The following USP34 variants were observed in gnomAD, a reference collection of about 807,000 sequenced individuals.
USP34 encodes the protein ubiquitin carboxyl-terminal hydrolase 34.
Under a neutral mutation model 460.3 loss-of-function variants are expected in USP34, and 70 were observed. The ratio of observed to expected loss-of-function variants is 0.15; its 90% confidence interval spans 0.13 to 0.19. USP34 has a LOEUF of 0.19. Among genes scored for constraint, USP34 ranks in the 10% least tolerant of loss-of-function variants. The probability of loss-of-function intolerance (pLI) is 1.00; values close to 1 mark genes in which losing one functional copy is unlikely to be tolerated. For synonymous variants in USP34, 1,647 were observed against 1,405.3 expected (o/e 1.17, Z -3.85); for missense variants, 3,985 against 4,236.2 (o/e 0.94, Z 1.65).
Position 61,420,790 on chromosome 2 carries a change from T to C in USP34, c.87A>G (p.Glu29=), listed in dbSNP as rs758104416. The C allele has an allele frequency of 1.6e-5, 25 of 1,611,622 alleles. 1 individual carries two copies. In the Middle Eastern group the frequency reaches 6.6e-4, roughly 43 times the overall value. The part of the protein sequence containing the change: ...EGGDGLQLRK[E]HTLKIFTYIN... ...TATAAGTAAATATTTTGAGAGTATG[T>C]TCCTTTCTGAGCTGCAGTCCATCAC... Residue 29 remains glutamate, a synonymous_variant, in exon 2 of 80, where the codon GAA becomes GAG. Coordinates refer to ENST00000398571, the MANE Select transcript of USP34 (RefSeq NM_014709.4).
intron 25 of USP34, among the ~76,000 whole-genome samples, chr2:61,312,861 G>C (rs1690636939): frequency 6.6e-6 from 1 of 152,132 alleles, no homozygotes; most frequent in Non-Finnish European, 1.5e-5. Context: ...TATGTCTTGG[G>C]AAACAAAAAC....
chr2:61,429,590 T>G (rs1348615106), intron 1 of USP34, among the ~76,000 whole-genome samples: 1 of 151,908 alleles, frequency 6.6e-6, no homozygotes, highest in African/African-American at 2.4e-5. Context: ...TGGCACCACA[T>G]GACAGGTAAC....
chr2:61,378,913 G>GAAAAAAAAAAAAAAAAAA (rs34463913), intron 7 of USP34, among the ~76,000 whole-genome samples: 2 of 57,870 alleles, frequency 3.5e-5, no homozygotes. Flanking sequence ...TCAAAAAAAC[G>GAAAAAAAAAAAAAAAAAA]AAAAAAAAAA....
At chr2:61,319,707 T>C (rs1025153280) in intron 21 of USP34, among the ~76,000 whole-genome samples, 1 of 152,070 alleles carries the variant, frequency 6.6e-6, no homozygotes, top group Admixed American at 6.6e-5. Context: ...TAGCTGGGCA[T>C]GGTGGCGTGT....
At chr2:61,458,432 G>C (rs1175789886) in intron 1 of USP34, among the ~76,000 whole-genome samples, 7 of 151,320 alleles carry the variant, frequency 4.6e-5, no homozygotes, top group Admixed American at 4.6e-4. Flanking sequence ...GTGGTGGCGG[G>C]TGCCTGTAAT....
At chr2:61,197,962 T>A (rs1686856795) in intron 75 of USP34, among the ~76,000 whole-genome samples, 1 of 152,132 alleles carries the variant, frequency 6.6e-6, no homozygotes, top group African/African-American at 2.4e-5. Flanking sequence ...AGTTTCACCA[T>A]GTTGGCCAGG....
At chr2:61,313,044 G>T (rs997974040) in intron 25 of USP34, among the ~76,000 whole-genome samples, 1 of 151,980 alleles carries the variant, frequency 6.6e-6, no homozygotes, top group African/African-American at 2.4e-5. Context: ...AGCACATCAA[G>T]AACAAAATTT....
intron 27 of USP34, among the ~76,000 whole-genome samples, chr2:61,303,052 A>T (rs867034109): frequency 6.6e-6 from 1 of 152,070 alleles, no homozygotes; most frequent in Non-Finnish European, 1.5e-5. Context: ...CACATTTTAC[A>T]AAGACCTCAT....
chr2:61,282,885 C>CT (rs970455562), intron 37 of USP34, among the ~76,000 whole-genome samples: 2 of 151,818 alleles, frequency 1.3e-5, no homozygotes, highest in Admixed American at 1.3e-4. Flanking sequence ...CCTGGAAAAA[C>CT]TTTTTTTTAT....
At chr2:61,353,638 C>T (rs1353369181) in intron 10 of USP34, among the ~76,000 whole-genome samples, 2 of 150,862 alleles carry the variant, frequency 1.3e-5, no homozygotes, top group Admixed American at 1.3e-4. Context: ...GCCATGTTGG[C>T]CAGGCTGGTC....
At chr2:61,317,808 G>A in intron 22 of USP34, 41 bp from the exon 23 acceptor site, 1 of 1,415,272 alleles carries the variant, frequency 7.1e-7, no homozygotes, top group East Asian at 2.3e-5. Flanking sequence ...AATTTAGTGT[G>A]GTAATTCACA....
chr2:61,255,567 G>A (rs780303848), intron 48 of USP34, among the ~76,000 whole-genome samples: 4 of 152,200 alleles, frequency 2.6e-5, no homozygotes, highest in Admixed American at 2.0e-4. Flanking sequence ...GAAATGCTGT[G>A]AGGATTAACT....
chr2:61,227,436 C>T (rs1218646359), intron 61 of USP34, among the ~76,000 whole-genome samples: 8 of 152,056 alleles, frequency 5.3e-5, no homozygotes, highest in East Asian at 3.8e-4. Context: ...AATTCTCTGC[C>T]GGGCATGGTG....
chr2:61,261,487 T>C (rs1688877183), intron 43 of USP34, among the ~76,000 whole-genome samples: 1 of 152,036 alleles, frequency 6.6e-6, no homozygotes, highest in Non-Finnish European at 1.5e-5. Context: ...AGAATAGTGG[T>C]TGCAAGGGGG....
chr2:61,282,688 G>A (rs543216032), intron 37 of USP34, among the ~76,000 whole-genome samples: 3 of 152,204 alleles, frequency 2.0e-5, no homozygotes, highest in African/African-American at 7.2e-5. Context: ...TACTTGGGAG[G>A]CTGAAGCCAG....
At chr2:61,438,635 ACT>A (rs1474353998) in intron 1 of USP34, among the ~76,000 whole-genome samples, 4 of 150,360 alleles carry the variant, frequency 2.7e-5, no homozygotes, top group Admixed American at 6.6e-5. Context: ...AAAAAAAAAC[ACT>A]CTCAATAAAT....
At chr2:61,240,382 C>G (rs1408950009) in intron 53 of USP34, among the ~76,000 whole-genome samples, 2 of 151,872 alleles carry the variant, frequency 1.3e-5, no homozygotes, top group Non-Finnish European at 2.9e-5. Context: ...AGGTTCACGC[C>G]ATTCTCCTGC....
chr2:61,292,218 A>C (rs1689878352), intron 33 of USP34, among the ~76,000 whole-genome samples: 1 of 152,104 alleles, frequency 6.6e-6, no homozygotes, highest in Admixed American at 6.5e-5. Context: ...TTAAAGGTAT[A>C]CTTCAACTAA....
intron 1 of USP34, among the ~76,000 whole-genome samples, chr2:61,440,281 T>C (rs912274692): frequency 3.9e-5 from 6 of 152,032 alleles, no homozygotes; most frequent in African/African-American, 1.2e-4. Flanking sequence ...CAAAGGGAAG[T>C]TGCAAGGGCT....
Sources: allele counts gnomAD v4.1 joint callset (sites outside exome capture counted in the v4.1 genomes callset), GRCh38; gene constraint gnomAD v4.1.1; transcripts MANE v1.5; gene names NCBI Gene and HGNC (gene_info 2026-07-23, HGNC 2026-07-21).